Variants in RYR3 observed in about 807,000 individuals in gnomAD.
RYR3 encodes brain ryanodine receptor-calcium release channel.
A neutral mutation model predicts 584.3 loss-of-function variants in RYR3; 207 were observed. That is an observed-to-expected ratio of 0.35 (90% CI 0.32 to 0.40). The LOEUF (loss-of-function observed/expected upper bound fraction) is 0.40. Ranked by LOEUF, RYR3 falls within the 10% of genes least tolerant of loss-of-function variation. The pLI, the probability that RYR3 is intolerant of heterozygous loss-of-function variation, is 1.00. For missense variants in RYR3, 5,616 were observed against 6,089.2 expected, an observed-to-expected ratio of 0.92 and a Z score of 2.59; for synonymous variants, 2,416 against 2,248.5, an observed-to-expected ratio of 1.07 and a Z score of -2.11.
intron 38 of RYR3, among the ~76,000 whole-genome samples, chr15:33,687,385 T>C (rs1481202642): frequency 2.0e-5 from 3 of 152,160 alleles, no homozygotes; most frequent in Non-Finnish European, 4.4e-5. Context: ...CAAGGAGAAC[T>C]ACAAACCACT....
At chr15:33,637,707 A>G (rs2061569476) in intron 27 of RYR3, among the ~76,000 whole-genome samples, 1 of 152,270 alleles carries the variant, frequency 6.6e-6, no homozygotes, top group Admixed American at 6.5e-5. Flanking sequence ...TGCTCTTTAC[A>G]GAGCGTTTTT....
intron 1 of RYR3, among the ~76,000 whole-genome samples, chr15:33,427,494 A>G (rs1033687990): frequency 6.6e-6 from 1 of 152,160 alleles, no homozygotes; most frequent in African/African-American, 2.4e-5. Context: ...TCACAACTAC[A>G]TTTTTTTGTG....
intron 67 of RYR3, among the ~76,000 whole-genome samples, chr15:33,797,969 T>C (rs2075717720): frequency 6.6e-6 from 1 of 152,214 alleles, no homozygotes; most frequent in African/African-American, 2.4e-5. Context: ...GAATTGGCTA[T>C]AGTGGCTTAA....
At chr15:33,813,400 C>T (rs1241582588) in intron 73 of RYR3, 67 bp from the exon 74 acceptor site, 3 of 1,377,902 alleles carry the variant, frequency 2.2e-6, no homozygotes, top group Non-Finnish European at 1.0e-6. Flanking sequence ...GTCTGGGCTA[C>T]AGGTGACTAG....
intron 85 of RYR3, among the ~76,000 whole-genome samples, chr15:33,829,889 T>C (rs1359756389): frequency 6.6e-6 from 1 of 152,042 alleles, no homozygotes; most frequent in Non-Finnish European, 1.5e-5. Context: ...AATGCAGACG[T>C]GTTGGAAATA....
chr15:33,465,490 T>C (rs1319049412), intron 1 of RYR3, among the ~76,000 whole-genome samples: 1 of 152,160 alleles, frequency 6.6e-6, no homozygotes, highest in Non-Finnish European at 1.5e-5. Flanking sequence ...GCTTTTGCCT[T>C]TTTGGTAATA....
chr15:33,731,928 C>T (rs2068988696), intron 48 of RYR3, among the ~76,000 whole-genome samples: 1 of 152,166 alleles, frequency 6.6e-6, no homozygotes, highest in Non-Finnish European at 1.5e-5. Context: ...TCAGGCTTTA[C>T]CCATTACGGT....
rs757249883 is a variant in RYR3, at chr15:33,810,490, A to C, written c.10038A>C (p.Gln3346His). The change falls in exon 71 of 104, where the codon CAA (glutamine) becomes CAC (histidine). Residue 3346 changes from glutamine (Q) to histidine (H), a missense_variant. This residue lies in a region of RYR3 where 954 missense variants were observed against 1,132.2 expected (regional missense o/e 0.84). Transcript: ENST00000634891. ...SKAMQVKSGG[Q>H]DQERKKTKRR... The stretch of plus-strand genomic sequence containing the variant: ...ACATCATCTCCTAGTCTGGAGGACA[A>C]GACCAGGAGCGGAAGAAGACAAAGC... 6.2e-7 allele frequency: 1 copy of C among 1,613,912 alleles called. No homozygotes were observed. Among genetic ancestry groups the C allele is most frequent in the African/African-American group, 1.3e-5 (1 of 74,946 alleles).
At chr15:33,361,291 A>G (rs1216929440) in intron 1 of RYR3, among the ~76,000 whole-genome samples, 2 of 152,250 alleles carry the variant, frequency 1.3e-5, no homozygotes, top group African/African-American at 2.4e-5. Context: ...CAGAATTATT[A>G]CAAAGGATAG....
At position 33,693,666 on chromosome 15, in the gene RYR3, G is replaced by C. The variant is rs144059091; in HGVS notation, c.5861-2552G>C. On this transcript the variant is annotated intron_variant, in intron 38 of 103. Coordinates refer to ENST00000634891, the MANE Select transcript of RYR3 (RefSeq NM_001036.6). ...TATCAACAGCATCCCACACACATCT[G>C]GTGGTGAGGAGGAGCCCTCCCAAGG... is the stretch of plus-strand genomic sequence containing the variant. 4.2e-4 allele frequency among the ~76,000 whole-genome samples: 64 copies of C among 152,362 alleles called. No individual in the cohort carries two copies. The East Asian group carries it at 9.2e-3, about 22-fold the overall frequency.
chr15:33,589,607 T>C (rs578209484), intron 16 of RYR3, among the ~76,000 whole-genome samples: 19 of 152,332 alleles, frequency 1.2e-4, no homozygotes, highest in African/African-American at 4.6e-4. Flanking sequence ...TACACTTAAG[T>C]CTTTAACTAT....
At chr15:33,422,863 T>C (rs996306949) in intron 1 of RYR3, among the ~76,000 whole-genome samples, 23 of 152,212 alleles carry the variant, frequency 1.5e-4, no homozygotes, top group African/African-American at 5.5e-4. Flanking sequence ...TAAAGGCATC[T>C]AGTTCTAAGC....
At chr15:33,725,176 C>CAT (rs1389497949) in intron 45 of RYR3, among the ~76,000 whole-genome samples, 3 of 124,624 alleles carry the variant, frequency 2.4e-5, no homozygotes, top group Non-Finnish European at 5.4e-5. Context: ...CACACACACA[C>CAT]ACACACACAC....
chr15:33,698,652 T>A (rs1231141164), intron 40 of RYR3, among the ~76,000 whole-genome samples: 1 of 149,366 alleles, frequency 6.7e-6, no homozygotes, highest in Admixed American at 6.7e-5. Context: ...TGATTTCTGG[T>A]GCAGTTTCAT....
intron 69 of RYR3, among the ~76,000 whole-genome samples, chr15:33,805,709 C>T (rs193114551): frequency 4.1e-4 from 62 of 151,752 alleles, no homozygotes; most frequent in Admixed American, 8.5e-4. Flanking sequence ...GATCTCCTGA[C>T]GTCATGATCC....
intron 61 of RYR3, 113 bp from the exon 62 acceptor site, chr15:33,768,997 TTA>T (rs2073342119): frequency 1.2e-6 from 1 of 820,360 alleles, no homozygotes; most frequent in South Asian, 1.4e-5. Context: ...GCCCAGGACT[TTA>T]TGTGTTGGTA....
chr15:33,811,119 A>G, intron 72 of RYR3, 82 bp downstream of exon 72: 2 of 1,134,066 alleles, frequency 1.8e-6, no homozygotes, highest in Non-Finnish European at 2.6e-6. Context: ...TCATTTACTC[A>G]TGCTTCTTAT....
intron 62 of RYR3, among the ~76,000 whole-genome samples, chr15:33,769,873 CAGG>C (rs1443608885): frequency 6.6e-6 from 1 of 152,006 alleles, no homozygotes; most frequent in African/African-American, 2.4e-5. Flanking sequence ...GGCTTGAGCC[CAGG>C]AGGTGGAGGT....
intron 1 of RYR3, among the ~76,000 whole-genome samples, chr15:33,420,369 T>TAA (rs1289247026): frequency 6.6e-6 from 1 of 152,212 alleles, no homozygotes; most frequent in Non-Finnish European, 1.5e-5. Flanking sequence ...GGCCTGTTTA[T>TAA]AAGTCCCACA....
Sources: gnomAD v4.1 joint callset for allele counts (sites outside exome capture counted in the v4.1 genomes callset) on GRCh38, gnomAD v4.1.1 for gene constraint, gnomAD v4.1.1 regional missense constraint, MANE v1.5 for transcripts, NCBI Gene and HGNC (gene_info 2026-07-23, HGNC 2026-07-21) for gene names.